IHO1: variants seen among roughly 807,000 people sequenced by gnomAD.
The protein encoded by IHO1 is interactor of HORMAD1 1, also known as interactor of HORMAD1 protein 1.
A neutral mutation model predicts 31.0 loss-of-function variants in IHO1; 13 were observed. The ratio of observed to expected loss-of-function variants is 0.42; its 90% CI spans 0.27 to 0.67. IHO1 has a LOEUF of 0.67. Ranked by LOEUF, IHO1 falls within the 30% of genes least tolerant of loss-of-function variation. IHO1 has a pLI of 0.24. For synonymous variants in IHO1, 221 were observed against 248.4 expected, an observed-to-expected ratio of 0.89 and a Z score of 1.04; for missense variants, 599 against 687.5, an observed-to-expected ratio of 0.87 and a Z score of 1.44.
At chr3:49,228,938 C>T (rs1055107839) in intron 2 of IHO1, among the ~76,000 whole-genome samples, 1 of 152,210 alleles carries the variant, frequency 6.6e-6, no homozygotes, top group East Asian at 1.9e-4. Flanking sequence ...GTCCATTTTA[C>T]AGAGAGATGA....
intron 1 of IHO1, among the ~76,000 whole-genome samples, chr3:49,208,236 A>C (rs1031908971): frequency 6.6e-6 from 1 of 152,198 alleles, no homozygotes; most frequent in Non-Finnish European, 1.5e-5. Flanking sequence ...GTTCCCTAGA[A>C]CAGGGGTCTC....
Position 49,244,627 on chromosome 3 carries a change from A to T in IHO1, c.445-19A>T. On this transcript the variant is annotated intron_variant, in intron 5 of 7. Coordinates refer to ENST00000452691, the MANE Select transcript of IHO1 (RefSeq NM_001135197.2). ...AAGGCAATAGCCTGTGAATTATTTC[A>T]TAATTTTGGGTTTCTTAGTTGCAGA... 1 of 1,603,844 alleles carries T rather than the reference A, an allele frequency of 6.2e-7. No individual in the cohort carries two copies. Among genetic ancestry groups the T allele is most frequent in the Non-Finnish European group, 8.5e-7 (1 of 1,171,544 alleles).
At position 49,236,702 on chromosome 3, in the gene IHO1, T is replaced by C. The variant is rs1243933461; in HGVS notation, c.211T>C (p.Ser71Pro). The change falls in exon 3 of 8, where the codon TCA becomes CCA. Residue 71 changes from serine (S) to proline (P), a missense_variant. Coordinates refer to ENST00000452691, the MANE Select transcript of IHO1 (RefSeq NM_001135197.2). ...TGCCCACTTGAGACATTCAAAACAG[T>C]CACAACAGAACTATCTGGAGGTGAG... ...FGAHLRHSKQ[S>P]QQNYLEGEPS... is the part of the protein sequence containing the mutation. 6.2e-7 allele frequency: 1 copy of C among 1,613,692 alleles called. No homozygotes were observed. Among genetic ancestry groups the C allele is most frequent in the East Asian group, 2.2e-5 (1 of 44,874 alleles).
chr3:49,211,853 T>C lies in IHO1; in HGVS notation c.56+17T>C. The C allele has an allele frequency of 7.0e-7, 1 of 1,438,614 alleles. No individual in the cohort carries two copies. Among genetic ancestry groups the C allele is most frequent in the Non-Finnish European group, 9.8e-7 (1 of 1,020,798 alleles). 89.1% of individuals were successfully genotyped at this position (1,438,614 alleles called of 1,614,324 possible). A position where few individuals can be genotyped will look rare whatever the true frequency, so the allele number is the denominator to read the frequency against. On this transcript the variant is annotated intron_variant, in intron 2 of 7. Coordinates refer to ENST00000452691, the MANE Select transcript of IHO1 (RefSeq NM_001135197.2). ...AGGCTCTGGGTAAGTTTTCTGGTTATATTGTCTGATCCTTAAGAGGATTTT... is the reference window on the plus strand; with the variant it reads ...AGGCTCTGGGTAAGTTTTCTGGTTACATTGTCTGATCCTTAAGAGGATTTT...
At chr3:49,200,670 C>G (rs2046059069) in intron 1 of IHO1, 1 of 639,430 alleles carries the variant, frequency 1.6e-6, no homozygotes, top group Non-Finnish European at 1.9e-6. Context: ...TCCTTGCATG[C>G]ACTCAACTTT....
intron 4 of IHO1, among the ~76,000 whole-genome samples, chr3:49,241,862 C>G (rs187216294): frequency 6.6e-6 from 1 of 152,088 alleles, no homozygotes; most frequent in Non-Finnish European, 1.5e-5. Context: ...CTCAGTTGAT[C>G]CACCCATCTC....
chr3:49,208,040 G>A (rs1355647882), intron 1 of IHO1, among the ~76,000 whole-genome samples: 9 of 152,138 alleles, frequency 5.9e-5, no homozygotes, highest in Non-Finnish European at 1.0e-4. Context: ...CCAAACTGCC[G>A]GGATTACAGG....
At chr3:49,193,426 C>T in the IHO1 span, among the ~76,000 whole-genome samples, 1 of 151,692 alleles carries the variant, frequency 6.6e-6, no homozygotes, top group African/African-American at 2.4e-5. Flanking sequence ...TGGCCGGGAG[C>T]GGTAGCTCAC....
chr3:49,243,825 T>G (rs2046662140), intron 4 of IHO1, among the ~76,000 whole-genome samples: 1 of 151,290 alleles, frequency 6.6e-6, no homozygotes, highest in African/African-American at 2.4e-5. Flanking sequence ...TTCTTTTTCA[T>G]TAGAAATGAA....
At chr3:49,227,954 T>C (rs982223168) in intron 2 of IHO1, among the ~76,000 whole-genome samples, 2 of 152,176 alleles carry the variant, frequency 1.3e-5, no homozygotes. Context: ...GTCTTTCTTA[T>C]TGGTGAGCCC....
At chr3:49,191,610 G>A in the IHO1 span, 2 of 931,936 alleles carry the variant, frequency 2.1e-6, no homozygotes, top group East Asian at 4.8e-5. Context: ...TGGTGGAGAG[G>A]AAGTGGGCGG....
chr3:49,243,484 C>A (rs1034648365), intron 4 of IHO1, among the ~76,000 whole-genome samples: 2 of 151,950 alleles, frequency 1.3e-5, no homozygotes, highest in East Asian at 3.9e-4. Context: ...TGTGGCCAGG[C>A]GCGGTGGCTC....
chr3:49,240,354 G>C (rs1335302562), intron 3 of IHO1, among the ~76,000 whole-genome samples: 3 of 152,200 alleles, frequency 2.0e-5, no homozygotes, highest in African/African-American at 7.2e-5. Flanking sequence ...CTCCTGAGTA[G>C]TTGGGATTAC....
chr3:49,201,134 C>T (rs1244490129), intron 1 of IHO1, among the ~76,000 whole-genome samples: 3 of 152,028 alleles, frequency 2.0e-5, no homozygotes, highest in Non-Finnish European at 4.4e-5. Flanking sequence ...GCTGGGACCA[C>T]AGGCACCCGC....
Position 49,242,007 on chromosome 3 carries a change from A to G in IHO1, c.395+618A>G, listed in dbSNP as rs141827438. Among the ~76,000 whole-genome samples, 902 of 151,988 alleles carry G rather than the reference A, an allele frequency of 5.9e-3. 10 individuals carry two copies. Among genetic ancestry groups the G allele is most frequent in the African/African-American group, 0.02 (842 of 41,476 alleles). On this transcript the variant is annotated intron_variant, in intron 4 of 7. Transcript: ENST00000452691. ...TGTCCAGACTGGAGTGCAATGGCACAATCTCGGCTCACTGAAACATCCGCC... is the reference window on the plus strand; with the variant it reads ...TGTCCAGACTGGAGTGCAATGGCACGATCTCGGCTCACTGAAACATCCGCC...
intron 2 of IHO1, among the ~76,000 whole-genome samples, chr3:49,215,012 C>T (rs180685140): frequency 6.6e-6 from 1 of 151,000 alleles, no homozygotes; most frequent in East Asian, 2.0e-4. Flanking sequence ...AGTATCATAT[C>T]CAAGATTGCC....
rs1358285742 is a variant in IHO1 at position 49,210,678 on chromosome 3, C to T, written c.-15-1088C>T. On this transcript the variant is annotated intron_variant, in intron 1 of 7. Transcript: ENST00000452691. The stretch of plus-strand genomic sequence containing the variant: ...CTTCCCAAAGTGCAGGGATTACAGG[C>T]GTGAGCCACTGCGCCCGGCTTTTTT... 5.4e-5 allele frequency among the ~76,000 whole-genome samples: 8 copies of T among 148,552 alleles called. No homozygotes were observed. In the East Asian group the frequency reaches 7.9e-4, roughly 15 times the overall value.
At chr3:49,223,361 A>G (rs956477479) in intron 2 of IHO1, among the ~76,000 whole-genome samples, 2 of 152,124 alleles carry the variant, frequency 1.3e-5, no homozygotes, top group African/African-American at 2.4e-5. Context: ...TTGTATCCCT[A>G]GTGCCCTCGA....
chr3:49,236,833 G>T, intron 3 of IHO1, 111 bp downstream of exon 3: 1 of 1,035,084 alleles, frequency 9.7e-7, no homozygotes, highest in Non-Finnish European at 1.4e-6. Flanking sequence ...TGTAATCCCT[G>T]CACTTGGGGA....
Sources: gnomAD v4.1 joint callset for allele counts (sites outside exome capture counted in the v4.1 genomes callset) on GRCh38, gnomAD v4.1.1 for gene constraint, MANE v1.5 for transcripts, NCBI Gene and HGNC (gene_info 2026-07-23, HGNC 2026-07-21) for gene names.